WDR7: variants seen among roughly 807,000 people sequenced by gnomAD.
WDR7 encodes WD repeat-containing protein 7.
Under a neutral mutation model 169.4 loss-of-function variants are expected in WDR7, and 46 were observed. That is an observed-to-expected ratio of 0.27 (90% CI 0.21 to 0.35). WDR7 has a LOEUF of 0.35. WDR7 is among the 10% of genes least tolerant of loss of function. WDR7 has a pLI of 1.00. For missense variants in WDR7, 1,534 were observed against 1,859.3 expected (o/e 0.83, Z 3.22); for synonymous variants, 612 against 666.8 (o/e 0.92, Z 1.27).
At chr18:56,763,090 A>G (rs1015693927) in intron 16 of WDR7, among the ~76,000 whole-genome samples, 2 of 151,938 alleles carry the variant, frequency 1.3e-5, no homozygotes, top group Non-Finnish European at 2.9e-5. Context: ...CCTCCTGAGT[A>G]GCTGGGACTA....
At chr18:56,685,274 T>C (rs575948062) in intron 5 of WDR7, among the ~76,000 whole-genome samples, 7 of 152,366 alleles carry the variant, frequency 4.6e-5, no homozygotes, top group African/African-American at 1.7e-4. Flanking sequence ...TATTCATTTA[T>C]ATTTGCTTCC....
intron 1 of WDR7, among the ~76,000 whole-genome samples, chr18:56,662,632 T>G (rs1317569704): frequency 6.6e-6 from 1 of 152,182 alleles, no homozygotes; most frequent in East Asian, 1.9e-4. Flanking sequence ...CAACGTTCAC[T>G]TGAGGCAAAC....
chr18:56,713,443 C>G (rs1402447052), intron 12 of WDR7, among the ~76,000 whole-genome samples: 1 of 152,104 alleles, frequency 6.6e-6, no homozygotes, highest in Non-Finnish European at 1.5e-5. Flanking sequence ...TACACATATA[C>G]AATTTATAAA....
At chr18:56,832,973 G>A (rs544472277) in intron 20 of WDR7, among the ~76,000 whole-genome samples, 1 of 152,112 alleles carries the variant, frequency 6.6e-6, no homozygotes, top group East Asian at 1.9e-4. Context: ...GAACAAAACC[G>A]GACAGAGAAT....
intron 19 of WDR7, among the ~76,000 whole-genome samples, chr18:56,809,563 A>G (rs2145191721): frequency 6.6e-6 from 1 of 152,190 alleles, no homozygotes. Flanking sequence ...AATACCCTGA[A>G]ATTTCCATAA....
intron 19 of WDR7, among the ~76,000 whole-genome samples, chr18:56,803,109 A>G (rs1270464451): frequency 6.6e-6 from 1 of 152,122 alleles, no homozygotes; most frequent in African/African-American, 2.4e-5. Context: ...CATATATAAC[A>G]CTTCTTATGA....
At chr18:56,697,229 G>C (rs2025723812) in intron 12 of WDR7, among the ~76,000 whole-genome samples, 1 of 152,166 alleles carries the variant, frequency 6.6e-6, no homozygotes, top group Non-Finnish European at 1.5e-5. Flanking sequence ...ACCGTCACCA[G>C]CTCTGGTATT....
At chr18:56,736,861 C>G (rs532551931) in intron 14 of WDR7, among the ~76,000 whole-genome samples, 10 of 152,182 alleles carry the variant, frequency 6.6e-5, no homozygotes, top group African/African-American at 2.4e-4. Flanking sequence ...TAGGAGATCA[C>G]TGAGCATTTA....
At chr18:56,924,866 C>T (rs2046781151) in intron 22 of WDR7, among the ~76,000 whole-genome samples, 1 of 152,216 alleles carries the variant, frequency 6.6e-6, no homozygotes, top group Non-Finnish European at 1.5e-5. Context: ...TGTTGTGCAA[C>T]TGTTACCACT....
At chr18:56,729,487 ACTCTT>A (rs1266854605) in intron 13 of WDR7, among the ~76,000 whole-genome samples, 1 of 151,828 alleles carries the variant, frequency 6.6e-6, no homozygotes, top group South Asian at 2.1e-4. Flanking sequence ...TACTATGAAT[ACTCTT>A]CTCTAACTTG....
At chr18:56,740,666 C>T (rs2043606082) in intron 14 of WDR7, among the ~76,000 whole-genome samples, 2 of 152,108 alleles carry the variant, frequency 1.3e-5, no homozygotes, top group African/African-American at 2.4e-5. Flanking sequence ...CTAGTCCTTC[C>T]AGGGCTTCCA....
intron 14 of WDR7, among the ~76,000 whole-genome samples, chr18:56,742,760 A>G (rs1309171628): frequency 1.3e-5 from 2 of 152,138 alleles, no homozygotes; most frequent in Admixed American, 1.3e-4. Context: ...GAGTAGATAT[A>G]TTCAGATGAT....
intron 12 of WDR7, among the ~76,000 whole-genome samples, chr18:56,699,595 A>G (rs933168946): frequency 6.6e-6 from 1 of 152,144 alleles, no homozygotes; most frequent in African/African-American, 2.4e-5. Flanking sequence ...ACTTCTTGTA[A>G]TTATTTGTTC....
intron 27 of WDR7, 76 bp from the exon 28 acceptor site, chr18:57,026,928 G>A (rs2145957425): frequency 6.8e-7 from 1 of 1,465,354 alleles, no homozygotes. Flanking sequence ...GTAGCCAGGA[G>A]AGATCGACCC....
At chr18:56,797,128 A>G (rs2044598148) in intron 19 of WDR7, among the ~76,000 whole-genome samples, 1 of 152,134 alleles carries the variant, frequency 6.6e-6, no homozygotes, top group South Asian at 2.1e-4. Context: ...CAGACTCATG[A>G]GTTGCTAGAA....
At chr18:56,890,105 A>G (rs1266481473) in intron 21 of WDR7, among the ~76,000 whole-genome samples, 1 of 152,176 alleles carries the variant, frequency 6.6e-6, no homozygotes, top group Non-Finnish European at 1.5e-5. Flanking sequence ...ATAAAAATGG[A>G]TAAGAACCAC....
chr18:56,676,707 TG>T (rs202115419), intron 2 of WDR7, among the ~76,000 whole-genome samples: 1 of 151,902 alleles, frequency 6.6e-6, no homozygotes, highest in Non-Finnish European at 1.5e-5. Context: ...CTTTTTTTTT[TG>T]TTTTTTTGGT....
chr18:56,799,147 G>A lies in WDR7; in HGVS notation c.3191-16884G>A, dbSNP rs149631714. Among the ~76,000 whole-genome samples, 109 of 152,264 alleles carry A rather than the reference G, an allele frequency of 7.2e-4. 1 individual carries two copies. Among genetic ancestry groups the A allele is most frequent in the Non-Finnish European group, 1.2e-3 (84 of 68,000 alleles). ...AAGAACTATTATAGAGATGGTGAAG[G>A]ACTCAGTGTCCAGCATAGCCAGTCA... On this transcript the variant is annotated intron_variant, in intron 19 of 27. Coordinates refer to ENST00000254442, the MANE Select transcript of WDR7 (RefSeq NM_015285.3).
chr18:56,781,491 C>G (rs1044243589), intron 18 of WDR7, 42 bp from the exon 19 acceptor site: 2 of 1,498,724 alleles, frequency 1.3e-6, no homozygotes, highest in Non-Finnish European at 1.8e-6. Flanking sequence ...ACCTCCTCAA[C>G]TAATCTGCTT....
Sources: allele counts gnomAD v4.1 joint callset (sites outside exome capture counted in the v4.1 genomes callset), GRCh38; gene constraint gnomAD v4.1.1; transcripts MANE v1.5; gene names NCBI Gene and HGNC (gene_info 2026-07-23, HGNC 2026-07-21).